ACSM3: variants seen among roughly 807,000 people sequenced by gnomAD.
The protein encoded by ACSM3 is acyl-CoA synthetase medium chain family member 3, also known as acyl-coenzyme A synthetase ACSM3, mitochondrial.
ACSM3 carries 61 observed loss-of-function variants against 74.1 expected under a neutral mutation model. That is an observed-to-expected ratio of 0.82 (90% CI 0.67 to 1.02). The LOEUF (loss-of-function observed/expected upper bound fraction) is 1.02, where lower values mean the gene tolerates loss of function less well. ACSM3 is among the 50% of genes least tolerant of loss of function. ACSM3 has a pLI of 0.00. For missense variants in ACSM3, 660 were observed against 697.0 expected, an observed-to-expected ratio of 0.95 and a Z score of 0.60; for synonymous variants, 213 against 241.5, an observed-to-expected ratio of 0.88 and a Z score of 1.09.
intron 1 of ACSM3, among the ~76,000 whole-genome samples, chr16:20,707,680 C>T (rs574892375): frequency 5.3e-5 from 8 of 152,260 alleles, no homozygotes; most frequent in African/African-American, 1.9e-4. Context: ...GGCTACAATC[C>T]CATAGGCAAA....
At chr16:20,787,830 AG>A (rs768130096) in intron 9 of ACSM3, among the ~76,000 whole-genome samples, 2 of 152,220 alleles carry the variant, frequency 1.3e-5, no homozygotes, top group Non-Finnish European at 2.9e-5. Flanking sequence ...AGTTGGGACT[AG>A]AGTGACCAAC....
rs2079817938 is a variant in ACSM3, at chr16:20,729,234, G to C, written c.-189-20676G>C. The stretch of plus-strand genomic sequence containing the variant: ...AATGTCATCTTTGATTCCTAGGACA[G>C]TCCAGAGAAAACTGCTGCCACGGTA... On this transcript the variant is annotated intron_variant, in intron 1 of 3. Coordinates refer to the ACSM3 transcript ENST00000561584. The C allele has an allele frequency of 6.6e-6, 6 of 912,252 alleles. No homozygotes were observed. In the East Asian group the frequency reaches 9.8e-5, roughly 15 times the overall value. 56.5% of individuals were successfully genotyped at this position (912,252 alleles called of 1,614,324 possible).
intron 1 of ACSM3, chr16:20,738,360 T>C: frequency 2.6e-6 from 1 of 388,112 alleles, no homozygotes; most frequent in Non-Finnish European, 5.1e-6. Flanking sequence ...ATGTAATTAA[T>C]CCATTAGCTA....
chr16:20,778,500 A>G (rs2080284823), intron 4 of ACSM3, among the ~76,000 whole-genome samples: 1 of 152,232 alleles, frequency 6.6e-6, no homozygotes, highest in African/African-American at 2.4e-5. Context: ...TGTGCCAGAA[A>G]CTATTCTAAG....
In ACSM3 at chr16:20,781,719, G is replaced by A. The variant is rs778729502; in HGVS notation, c.951G>A (p.Lys317=). The change falls in exon 7 of 14, where the codon AAG becomes AAA. Residue 317 remains lysine (K), a synonymous_variant. Transcript: ENST00000289416. ...EPTSILQTLS[K]YPITVFCSAP... ...TTTCTAAATTGCAGACACTCTCCAA[G>A]TACCCCATCACAGTCTTCTGTTCAG... The A allele has an allele frequency of 6.2e-7, 1 of 1,612,598 alleles. No individual in the cohort carries two copies. Among genetic ancestry groups the A allele is most frequent in the Admixed American group, 1.7e-5 (1 of 60,008 alleles).
intron 9 of ACSM3, among the ~76,000 whole-genome samples, chr16:20,787,009 C>G (rs2152478813): frequency 6.6e-6 from 1 of 152,330 alleles, no homozygotes; most frequent in Admixed American, 6.5e-5. Context: ...TTTCCAGCCT[C>G]TCTGTATCCA....
At chr16:20,705,374 G>GAAAA (rs35941652) in intron 1 of ACSM3, among the ~76,000 whole-genome samples, 12 of 123,906 alleles carry the variant, frequency 9.7e-5, no homozygotes, top group Non-Finnish European at 1.9e-4. Flanking sequence ...CTCCGTCTCA[G>GAAAA]AAAAAAAAAA....
chr16:20,773,637 G>C (rs2080220180), intron 2 of ACSM3, among the ~76,000 whole-genome samples: 1 of 152,196 alleles, frequency 6.6e-6, no homozygotes, highest in Admixed American at 6.5e-5. Context: ...GGAGCATGTT[G>C]TTTAATTTCC....
intron 1 of ACSM3, chr16:20,734,357 C>G (rs2079851005): frequency 6.6e-6 from 1 of 152,582 alleles, no homozygotes; most frequent in Non-Finnish European, 1.5e-5. Flanking sequence ...TAATAATCCT[C>G]TTATCAATCA....
chr16:20,780,949 T>C (rs986541687), intron 5 of ACSM3, 25 bp from the exon 6 acceptor site: 1 of 1,613,832 alleles, frequency 6.2e-7, no homozygotes, highest in South Asian at 1.1e-5. Context: ...CCTATGTACA[T>C]CAGGGCTACT....
At chr16:20,693,028 G>A (rs991756009) in intron 1 of ACSM3, among the ~76,000 whole-genome samples, 32 of 152,118 alleles carry the variant, frequency 2.1e-4, no homozygotes, top group African/African-American at 7.0e-4. Context: ...AAATTAGCCA[G>A]GCATGGAAGT....
chr16:20,736,976 C>A (rs369783164), intron 1 of ACSM3: 33 of 1,613,968 alleles, frequency 2.0e-5, no homozygotes, highest in Middle Eastern at 1.6e-4. Context: ...GTGGATTAGA[C>A]GTTGGTTTTG....
chr16:20,769,891 G>T, intron 1 of ACSM3, 93 bp from the exon 2 acceptor site: 1 of 686,482 alleles, frequency 1.5e-6, no homozygotes. Flanking sequence ...CTATCATGAT[G>T]ATTATCAATA....
intron 1 of ACSM3, among the ~76,000 whole-genome samples, chr16:20,677,021 A>C (rs1567302089): frequency 6.6e-6 from 1 of 152,090 alleles, no homozygotes; most frequent in African/African-American, 2.4e-5. Flanking sequence ...AGCCAAGAGG[A>C]AAGATGGCTT....
At chr16:20,740,947 C>T (rs2152422085) in intron 1 of ACSM3, among the ~76,000 whole-genome samples, 1 of 152,318 alleles carries the variant, frequency 6.6e-6, no homozygotes, top group East Asian at 1.9e-4. Flanking sequence ...CAGCACACCG[C>T]CTGGCCCTCA....
intron 3 of ACSM3, among the ~76,000 whole-genome samples, chr16:20,758,925 TG>T (rs35139281): frequency 0.13 from 20,121 of 152,040 alleles, 1,365 homozygotes; most frequent in East Asian, 0.21. Context: ...TCAGTTTCCA[TG>T]TAGTTGAGCG....
chr16:20,763,689 C>T (rs887346523), upstream of ACSM3: 1 of 152,180 alleles, frequency 6.6e-6, no homozygotes, highest in Non-Finnish European at 1.5e-5. Flanking sequence ...AACCCATAAC[C>T]GCCCCTCAAC....
At chr16:20,778,370 A>C (rs1359411541) in intron 4 of ACSM3, among the ~76,000 whole-genome samples, 2 of 152,222 alleles carry the variant, frequency 1.3e-5, no homozygotes, top group African/African-American at 4.8e-5. Context: ...GCATGCTTGC[A>C]ACTATGGACT....
At chr16:20,786,337 A>T (rs1209609499) in intron 9 of ACSM3, 179 bp downstream of exon 9, 1 of 1,279,032 alleles carries the variant, frequency 7.8e-7, no homozygotes, top group Non-Finnish European at 1.0e-6. Context: ...GGTCTCCATT[A>T]TTTTGCAAAT....
Sources: gnomAD v4.1 joint callset for allele counts (sites outside exome capture counted in the v4.1 genomes callset) on GRCh38, gnomAD v4.1.1 for gene constraint, MANE v1.5 for transcripts, NCBI Gene and HGNC (gene_info 2026-07-23, HGNC 2026-07-21) for gene names.